Variants in FAM169A observed in about 807,000 individuals in gnomAD.
FAM169A encodes the protein family with sequence similarity 169 member A, also known as soluble lamin-associated protein of 75 kDa.
FAM169A carries 24 observed loss-of-function variants against 75.7 expected under a neutral mutation model. The ratio of observed to expected loss-of-function variants is 0.32; its 90% CI spans 0.23 to 0.45. FAM169A has a LOEUF of 0.45. FAM169A is among the 20% of genes least tolerant of loss of function. FAM169A has a pLI of 1.00. For missense variants in FAM169A, 673 were observed against 784.0 expected (o/e 0.86, Z 1.69); for synonymous variants, 271 against 271.0 (o/e 1.00, Z 0.00).
intron 11 of FAM169A, among the ~76,000 whole-genome samples, chr5:74,784,894 G>C (rs1452600702): frequency 5.8e-5 from 8 of 136,912 alleles, no homozygotes; most frequent in Non-Finnish European, 9.1e-5. Flanking sequence ...ACTCCAGCCT[G>C]AGCAACAGAG....
At chr5:74,809,490 G>A (rs1747059552) in intron 6 of FAM169A, among the ~76,000 whole-genome samples, 1 of 151,734 alleles carries the variant, frequency 6.6e-6, no homozygotes, top group Admixed American at 6.5e-5. Context: ...AAACAGCTTG[G>A]GAGGCTGAGA....
chr5:74,799,611 G>A, intron 10 of FAM169A: 2 of 1,442,770 alleles, frequency 1.4e-6, no homozygotes, highest in African/African-American at 1.4e-5. Flanking sequence ...CTGGTGGCTG[G>A]GTCCACGGGG....
chr5:74,790,960 G>A (rs950559589), intron 11 of FAM169A, among the ~76,000 whole-genome samples: 3 of 152,158 alleles, frequency 2.0e-5, no homozygotes, highest in African/African-American at 4.8e-5. Context: ...TCTCCTGCAC[G>A]CAATGCTTCT....
At chr5:74,791,272 G>A (rs776037036) in intron 11 of FAM169A, among the ~76,000 whole-genome samples, 1 of 152,110 alleles carries the variant, frequency 6.6e-6, no homozygotes, top group Non-Finnish European at 1.5e-5. Context: ...CCAGTATATG[G>A]TACTGTTTCT....
At chr5:74,793,225 T>C (rs1256517789) in intron 11 of FAM169A, among the ~76,000 whole-genome samples, 2 of 150,468 alleles carry the variant, frequency 1.3e-5, no homozygotes, top group East Asian at 3.9e-4. Context: ...CTTGGGAGGC[T>C]GAGGCAGGAG....
intron 1 of FAM169A, among the ~76,000 whole-genome samples, chr5:74,860,727 ATTC>A (rs1206021582): frequency 3.3e-5 from 5 of 150,292 alleles, no homozygotes; most frequent in East Asian, 2.0e-4. Context: ...TAGGTGAAAT[ATTC>A]TTCTTCTCTC....
intron 1 of FAM169A, among the ~76,000 whole-genome samples, chr5:74,850,100 C>G (rs188375876): frequency 6.6e-6 from 1 of 152,288 alleles, no homozygotes; most frequent in Admixed American, 6.5e-5. Flanking sequence ...GAACACTTCA[C>G]GTGTATCACC....
chr5:74,829,969 C>A (rs1465194252), intron 5 of FAM169A, among the ~76,000 whole-genome samples: 1 of 151,694 alleles, frequency 6.6e-6, no homozygotes, highest in Non-Finnish European at 1.5e-5. Context: ...GAGTGAGACT[C>A]CATCTCAAAA....
At chr5:74,828,088 C>T (rs1748128135) in intron 5 of FAM169A, among the ~76,000 whole-genome samples, 2 of 152,038 alleles carry the variant, frequency 1.3e-5, no homozygotes, top group South Asian at 2.1e-4. Flanking sequence ...GCTTAAGAAC[C>T]TTGTTCAAAT....
At chr5:74,840,027 G>T in intron 3 of FAM169A, 47 bp downstream of exon 3, 1 of 994,824 alleles carries the variant, frequency 1.0e-6, no homozygotes, top group Non-Finnish European at 1.5e-6. Context: ...ATTTCTAACA[G>T]TTTGGAGAAA....
chr5:74,812,408 T>A (rs1382057327), intron 6 of FAM169A, among the ~76,000 whole-genome samples: 1 of 151,008 alleles, frequency 6.6e-6, no homozygotes, highest in Admixed American at 6.6e-5. Flanking sequence ...ATTACAGGCG[T>A]GAGCCACCAT....
chr5:74,859,964 C>T (rs772741223), intron 1 of FAM169A, among the ~76,000 whole-genome samples: 1 of 152,158 alleles, frequency 6.6e-6, no homozygotes, highest in African/African-American at 2.4e-5. Flanking sequence ...GAACTAGATA[C>T]TAAAAGCTAT....
In FAM169A at chr5:74,834,511, T is replaced by C; in HGVS notation, c.405A>G (p.Pro135=). 6.2e-7 allele frequency: 1 copy of C among 1,605,002 alleles called. No individual in the cohort carries two copies. The highest frequency in any genetic ancestry group is 8.5e-7 in the Non-Finnish European group (1 of 1,176,082). Residue 135 remains proline (P), a synonymous_variant, in exon 5 of 13, where the codon CCA becomes CCG. Transcript: ENST00000687041. The stretch of plus-strand genomic sequence containing the variant: ...AATCAGTACTGCTATGACACAGGAA[T>C]GGGATCTCATTTCTCTCCATTTCCT... ...RKQEMERNEI[P]FLCHSSTDYA... is the part of the protein sequence containing the mutation.
intron 2 of FAM169A, among the ~76,000 whole-genome samples, chr5:74,840,494 G>A (rs1377936223): frequency 6.7e-6 from 1 of 148,424 alleles, no homozygotes; most frequent in African/African-American, 2.5e-5. Context: ...CTGTTATTTA[G>A]CCTACTTGAG....
At position 74,866,263 on chromosome 5, in the gene FAM169A, G is replaced by C. The variant is rs916653988; in HGVS notation, c.-102C>G. The C allele has an allele frequency of 1.1e-4, 112 of 983,736 alleles. No homozygotes were observed. Among genetic ancestry groups the C allele is most frequent in the Non-Finnish European group, 1.3e-4 (107 of 829,228 alleles). The allele number at this position is 983,736 out of a possible 1,614,324, so 60.9% of individuals were successfully genotyped here. ...GGCTGCTCGCTGGCGACCTCCGGCC[G>C]GTCCCAGGCCGCACAGCTCGCGGCT... On this transcript the variant is annotated 5_prime_UTR_variant, in exon 1 of 13. Coordinates refer to ENST00000687041, the MANE Select transcript of FAM169A (RefSeq NM_001376049.1).
chr5:74,863,920 A>G (rs1750168105), intron 1 of FAM169A, among the ~76,000 whole-genome samples: 1 of 152,204 alleles, frequency 6.6e-6, no homozygotes, highest in Non-Finnish European at 1.5e-5. Context: ...ATAGGTCCAG[A>G]CAGGTCACCT....
intron 1 of FAM169A, among the ~76,000 whole-genome samples, chr5:74,864,635 C>T (rs1047452594): frequency 3.9e-5 from 6 of 152,196 alleles, no homozygotes; most frequent in Non-Finnish European, 8.8e-5. Flanking sequence ...AGGTAAAACA[C>T]CTTAATTTAT....
chr5:74,829,208 G>A (rs1172098036), intron 5 of FAM169A, among the ~76,000 whole-genome samples: 2 of 152,064 alleles, frequency 1.3e-5, no homozygotes, highest in African/African-American at 4.8e-5. Context: ...TATTTTTGCA[G>A]GTAAGTTTTT....
At chr5:74,847,149 A>G (rs955305594) in intron 1 of FAM169A, among the ~76,000 whole-genome samples, 9 of 152,320 alleles carry the variant, frequency 5.9e-5, no homozygotes, top group Non-Finnish European at 1.0e-4. Flanking sequence ...TAAAATATAC[A>G]TAACAAAATT....
Sources: allele counts gnomAD v4.1 joint callset (sites outside exome capture counted in the v4.1 genomes callset), GRCh38; gene constraint gnomAD v4.1.1; transcripts MANE v1.5; gene names NCBI Gene and HGNC (gene_info 2026-07-23, HGNC 2026-07-21).